The following ATP11A variants were observed in gnomAD, a reference collection of about 807,000 sequenced individuals.
The protein encoded by ATP11A is ATPase phospholipid transporting 11A.
In ATP11A, 81 loss-of-function variants were observed where a neutral mutation model predicts 154.4. The ratio of observed to expected loss-of-function variants is 0.52; its 90% CI spans 0.44 to 0.63. The LOEUF is 0.63. Among genes scored for constraint, ATP11A ranks in the 30% least tolerant of loss-of-function variants. The pLI is 0.00. For missense variants in ATP11A, 1,316 were observed against 1,474.3 expected (o/e 0.89, Z 1.76); for synonymous variants, 623 against 585.9 (o/e 1.06, Z -0.91).
intron 14 of ATP11A, among the ~76,000 whole-genome samples, chr13:112,834,276 C>T (rs1246767091): frequency 1.3e-5 from 2 of 152,194 alleles, no homozygotes; most frequent in South Asian, 2.1e-4. Context: ...AAAGTGTCAT[C>T]GAAGCAAGGA....
intron 13 of ATP11A, among the ~76,000 whole-genome samples, chr13:112,832,305 C>T (rs904159390): frequency 6.6e-6 from 1 of 152,254 alleles, no homozygotes; most frequent in African/African-American, 2.4e-5. Context: ...CACATCACTT[C>T]ACCTTCCTAA....
In ATP11A at chr13:112,882,687, G is replaced by A. The variant is rs191593433; in HGVS notation, c.*821G>A. ...CCACGTGGGAGGACAAGGCCACGCC[G>A]GCAGCTTCCAGCCCTGCCGCAGAAG... On this transcript the variant is annotated 3_prime_UTR_variant, in exon 30 of 30. Coordinates refer to ENST00000375645, the MANE Select transcript of ATP11A (RefSeq NM_015205.3). The surrounding 1 kb of genome is among the most constrained non-coding windows in gnomAD (Gnocchi z 5.1). 4.1e-4 allele frequency: 165 copies of A among 400,038 alleles called. No homozygotes were observed. Among genetic ancestry groups the A allele is most frequent in the African/African-American group, 1.9e-3 (91 of 48,752 alleles). 24.8% of individuals were successfully genotyped at this position (400,038 alleles called of 1,614,324 possible).
chr13:112,806,653 T>A (rs1044532137), intron 4 of ATP11A, among the ~76,000 whole-genome samples: 3 of 148,778 alleles, frequency 2.0e-5, no homozygotes, highest in African/African-American at 7.8e-5. Flanking sequence ...CTGTTTTTTG[T>A]TTGTTTGTTT....
chr13:112,760,087 G>A (rs1371746544), intron 1 of ATP11A, among the ~76,000 whole-genome samples: 1 of 152,208 alleles, frequency 6.6e-6, no homozygotes, highest in Non-Finnish European at 1.5e-5. Flanking sequence ...CTCTGTTGAA[G>A]AGCAGTGTGT....
intron 1 of ATP11A, among the ~76,000 whole-genome samples, chr13:112,702,035 A>G (rs1342088753): frequency 1.3e-5 from 2 of 151,616 alleles, no homozygotes; most frequent in Non-Finnish European, 2.9e-5. Flanking sequence ...TCCTCTTGTC[A>G]CAGAGTGTGC....
At position 112,834,502 on chromosome 13, in the gene ATP11A, C is replaced by T. The variant is rs567072090; in HGVS notation, c.1560-87C>T. On this transcript the variant is annotated intron_variant, in intron 14 of 29. Coordinates refer to ENST00000375645, the MANE Select transcript of ATP11A (RefSeq NM_015205.3). ...GAAAGTATTTCTTTTTTGAAAAGAA[C>T]GCTTTACCAAAATATAAAGCAAATA... 124 of 840,770 alleles carry T rather than the reference C, an allele frequency of 1.5e-4. 3 individuals are homozygous for T. In the South Asian group the frequency reaches 1.5e-3, roughly 10 times the overall value. The allele number at this position is 840,770 out of a possible 1,614,324, so 52.1% of individuals were successfully genotyped here.
intron 1 of ATP11A, among the ~76,000 whole-genome samples, chr13:112,768,440 C>T (rs2077149264): frequency 1.3e-5 from 2 of 152,252 alleles, no homozygotes; most frequent in African/African-American, 4.8e-5. Flanking sequence ...CATTCACAGA[C>T]TGTCGCCAGC....
chr13:112,848,057 T>C (rs1221487573), intron 17 of ATP11A, among the ~76,000 whole-genome samples: 1 of 152,166 alleles, frequency 6.6e-6, no homozygotes, highest in Non-Finnish European at 1.5e-5. Flanking sequence ...CACCACTGCA[T>C]GTTTCCACGG....
chr13:112,767,649 T>TTTCTC (rs79101037), intron 1 of ATP11A, among the ~76,000 whole-genome samples: 18,641 of 152,016 alleles, frequency 0.12, 1,947 homozygotes, highest in African/African-American at 0.28. Context: ...GTGTGACTCT[T>TTTCTC]TTACTCTGAA....
Position 112,756,801 on chromosome 13 carries a change from C to CCTGCTCCCAGCGAGGGGT in ATP11A, c.40-28322_40-28305dup, listed in dbSNP as rs1232684484. On this transcript the variant is annotated intron_variant, in intron 1 of 29. Coordinates refer to ENST00000375645, the MANE Select transcript of ATP11A (RefSeq NM_015205.3). ...CCAGAGCAGCTTGTGGCAGCCGGGG[C>CCTGCTCCCAGCGAGGGGT]CTGCTCCCAGCGAGGGGTCTGCTCC... 6.2e-4 allele frequency among the ~76,000 whole-genome samples: 94 copies of CCTGCTCCCAGCGAGGGGT among 152,036 alleles called. No homozygotes were observed. The East Asian group carries it at 0.016, about 25-fold the overall frequency.
intron 29 of ATP11A, among the ~76,000 whole-genome samples, chr13:112,878,906 T>C (rs367717018): frequency 9.8e-5 from 15 of 152,386 alleles, no homozygotes; most frequent in African/African-American, 3.6e-4. Context: ...TTTGACCAAA[T>C]TCCCTTTTTA....
chr13:112,881,014 A>G (rs952118487), intron 29 of ATP11A: 33 of 990,012 alleles, frequency 3.3e-5, no homozygotes, highest in African/African-American at 1.0e-4. Flanking sequence ...TGGTTATTGC[A>G]TGGTTTGTGT....
At chr13:112,772,866 C>T (rs761519437) in intron 1 of ATP11A, among the ~76,000 whole-genome samples, 2 of 152,248 alleles carry the variant, frequency 1.3e-5, no homozygotes, top group African/African-American at 4.8e-5. Context: ...AGAGAAATTC[C>T]GCCTTGTCTT....
chr13:112,881,217 C>T (rs2080874918), intron 29 of ATP11A: 7 of 989,530 alleles, frequency 7.1e-6, no homozygotes, highest in African/African-American at 7.0e-5. Flanking sequence ...CTGCCGGCCT[C>T]CTGCCGCTCC....
chr13:112,847,376 A>G (rs1291802592), intron 17 of ATP11A, among the ~76,000 whole-genome samples: 2 of 152,100 alleles, frequency 1.3e-5, no homozygotes, highest in Non-Finnish European at 2.9e-5. Context: ...TTTTTTCTAT[A>G]AGTTTTCTAG....
chr13:112,788,874 C>T (rs950932992), intron 2 of ATP11A, among the ~76,000 whole-genome samples: 20 of 150,290 alleles, frequency 1.3e-4, no homozygotes, highest in South Asian at 6.4e-4. Context: ...GGCATCCTGA[C>T]GTGTAGACTC....
At position 112,767,203 on chromosome 13, in the gene ATP11A, G is replaced by A. The variant is rs1273399108; in HGVS notation, c.40-17932G>A. Among the ~76,000 whole-genome samples the A allele has an allele frequency of 5.8e-4, 3 of 5,216 alleles. 1 individual carries two copies. The highest frequency in any genetic ancestry group is 9.2e-4 in the Non-Finnish European group (3 of 3,262). The allele number at this position is 5,216 out of a possible 152,430, so 3.4% of individuals were successfully genotyped here. On this transcript the variant is annotated intron_variant, in intron 1 of 29. Coordinates refer to ENST00000375645, the MANE Select transcript of ATP11A (RefSeq NM_015205.3). Reference sequence around the variant, plus strand: ...GTAGGGAGGATGTGGGGGTGTTGGGGGCCCCTGTGGGAAGGTGGGGAGATG... The same window carrying A: ...GTAGGGAGGATGTGGGGGTGTTGGGAGCCCCTGTGGGAAGGTGGGGAGATG...
At chr13:112,742,292 T>A (rs1428181859) in intron 1 of ATP11A, among the ~76,000 whole-genome samples, 1 of 152,140 alleles carries the variant, frequency 6.6e-6, no homozygotes, top group African/African-American at 2.4e-5. Flanking sequence ...GGGAGACACC[T>A]CCTGTGGAAG....
chr13:112,806,201 CTCTT>C lies in ATP11A; in HGVS notation c.253-8_253-5del, dbSNP rs2078318047. 6.2e-7 allele frequency: 1 copy of C among 1,606,484 alleles called. No homozygotes were observed. Among genetic ancestry groups the C allele is most frequent in the South Asian group, 1.1e-5 (1 of 90,216 alleles). On this transcript the variant is annotated splice_region_variant and splice_polypyrimidine_tract_variant and intron_variant, in intron 3 of 29. Transcript: ENST00000375645. ...TTTTTGAAGATGATTTTACAATTCT[CTCTT>C]TCTGCAGTTGATTATTGATACACCC...
Sources: gnomAD v4.1 joint callset for allele counts (sites outside exome capture counted in the v4.1 genomes callset) on GRCh38, gnomAD v4.1.1 for gene constraint, Gnocchi (gnomAD v3.1) non-coding constraint, MANE v1.5 for transcripts, NCBI Gene and HGNC (gene_info 2026-07-23, HGNC 2026-07-21) for gene names.